The following LINGO2 variants were observed in gnomAD, a reference collection of about 807,000 sequenced individuals.
The protein encoded by LINGO2 is leucine-rich repeat and immunoglobulin-like domain-containing nogo receptor-interacting protein 2.
A neutral mutation model predicts 30.6 loss-of-function variants in LINGO2; 14 were observed. The observed-to-expected ratio is 0.46, with a 90% confidence interval of 0.30 to 0.72. LINGO2 has a LOEUF of 0.72. Among genes scored for constraint, LINGO2 ranks in the 30% least tolerant of loss-of-function variants. LINGO2 has a pLI of 0.07. For synonymous variants in LINGO2, 317 were observed against 288.5 expected (o/e 1.10, Z -1.00); for missense variants, 729 against 751.7 (o/e 0.97, Z 0.35).
chr9:29,053,809 A>C, the LINGO2 span, among the ~76,000 whole-genome samples: 1 of 152,080 alleles, frequency 6.6e-6, no homozygotes, highest in Non-Finnish European at 1.5e-5. Context: ...TTGTATTTTC[A>C]AGAAAATATA....
At chr9:28,123,590 A>C (rs1827158095) in intron 4 of LINGO2, among the ~76,000 whole-genome samples, 1 of 152,206 alleles carries the variant, frequency 6.6e-6, no homozygotes, top group Non-Finnish European at 1.5e-5. Flanking sequence ...ATGCTTCTGT[A>C]ATTGGCCTTC....
the LINGO2 span, among the ~76,000 whole-genome samples, chr9:28,978,319 AAATAGTGCTTTTGGGCTAGATTAACAGCC>A: frequency 6.6e-6 from 1 of 152,114 alleles, no homozygotes; most frequent in Admixed American, 6.6e-5. Flanking sequence ...CTGTAACTAA[AAATAGTGCTTTTGGGCTAGATTAACAGCC>A]AATAGTATAT....
the LINGO2 span, among the ~76,000 whole-genome samples, chr9:28,811,205 G>A: frequency 1.3e-5 from 2 of 151,606 alleles, no homozygotes; most frequent in African/African-American, 2.4e-5. Flanking sequence ...CTCCCATCTC[G>A]CATATTCAAT....
chr9:28,445,113 T>A (rs1824370114), intron 2 of LINGO2, among the ~76,000 whole-genome samples: 1 of 152,218 alleles, frequency 6.6e-6, no homozygotes, highest in Admixed American at 6.5e-5. Flanking sequence ...GAGCCTGTGC[T>A]CTTCACTACT....
chr9:28,332,883 G>A (rs1825471470), intron 3 of LINGO2, among the ~76,000 whole-genome samples: 1 of 152,152 alleles, frequency 6.6e-6, no homozygotes, highest in Non-Finnish European at 1.5e-5. Context: ...TGACTCAATG[G>A]TCTCTGCCTT....
chr9:29,129,639 G>A, the LINGO2 span, among the ~76,000 whole-genome samples: 1 of 151,964 alleles, frequency 6.6e-6, no homozygotes, highest in Non-Finnish European at 1.5e-5. Context: ...ATGAGTGATT[G>A]GTGAGAAAGA....
chr9:29,135,497 G>T, the LINGO2 span, among the ~76,000 whole-genome samples: 1 of 150,742 alleles, frequency 6.6e-6, no homozygotes, highest in Non-Finnish European at 1.5e-5. Flanking sequence ...GATGGAGCTT[G>T]CAGTGAGCCG....
intron 3 of LINGO2, among the ~76,000 whole-genome samples, chr9:28,336,231 A>G (rs911208171): frequency 6.6e-6 from 1 of 152,096 alleles, no homozygotes; most frequent in Non-Finnish European, 1.5e-5. Context: ...CTTTAGAAAG[A>G]TGTTTAAGAC....
chr9:28,684,898 G>A, the LINGO2 span, among the ~76,000 whole-genome samples: 13 of 152,114 alleles, frequency 8.5e-5, no homozygotes, highest in South Asian at 6.2e-4. Flanking sequence ...TGCATGTTGC[G>A]TGGGTTTGAT....
intron 1 of LINGO2, among the ~76,000 whole-genome samples, chr9:28,611,521 T>G (rs1180682984): frequency 6.6e-6 from 1 of 152,170 alleles, no homozygotes; most frequent in African/African-American, 2.4e-5. Context: ...CTTTACCTTT[T>G]GAGAAATATC....
chr9:29,053,204 T>C, the LINGO2 span, among the ~76,000 whole-genome samples: 1 of 151,802 alleles, frequency 6.6e-6, no homozygotes, highest in East Asian at 1.9e-4. Flanking sequence ...GAAAAAAAAA[T>C]GATAATCTTA....
At chr9:28,482,225 T>C (rs1447424188) in intron 1 of LINGO2, among the ~76,000 whole-genome samples, 1 of 151,856 alleles carries the variant, frequency 6.6e-6, no homozygotes, top group East Asian at 1.9e-4. Context: ...GTTGAACTAG[T>C]TTACAGTCCC....
At chr9:28,304,318 T>C (rs901732438) in intron 3 of LINGO2, among the ~76,000 whole-genome samples, 6 of 150,992 alleles carry the variant, frequency 4.0e-5, no homozygotes, top group African/African-American at 1.5e-4. Context: ...TAGCTACATA[T>C]ATGTATAATT....
intron 5 of LINGO2, among the ~76,000 whole-genome samples, chr9:28,000,297 T>TA (rs527631262): frequency 6.3e-4 from 96 of 152,224 alleles, no homozygotes; most frequent in African/African-American, 2.3e-3. Flanking sequence ...TAAAGGATGC[T>TA]AGCTTTACTG....
At chr9:28,848,169 G>A in the LINGO2 span, among the ~76,000 whole-genome samples, 287 of 83,006 alleles carry the variant, frequency 3.5e-3, 2 homozygotes, top group Non-Finnish European at 5.1e-3. Context: ...TATATAGTGT[G>A]TATATATACA....
chr9:29,055,948 A>ATATAT, the LINGO2 span, among the ~76,000 whole-genome samples: 1 of 149,140 alleles, frequency 6.7e-6, no homozygotes, highest in East Asian at 2.0e-4. Context: ...GTGTATATAT[A>ATATAT]CATATATATG....
chr9:27,940,834 T>G, the LINGO2 span: 1 of 152,182 alleles, frequency 6.6e-6, no homozygotes, highest in African/African-American at 2.4e-5. Flanking sequence ...AAAGTATGTT[T>G]AGCTTCGAGT....
intron 3 of LINGO2, among the ~76,000 whole-genome samples, chr9:28,351,635 C>T (rs1184439139): frequency 6.9e-6 from 1 of 145,432 alleles, no homozygotes; most frequent in Non-Finnish European, 1.5e-5. Flanking sequence ...AGGGAATCCT[C>T]CCTAACTCAT....
intron 2 of LINGO2, among the ~76,000 whole-genome samples, chr9:28,399,013 T>C (rs1020752788): frequency 6.6e-6 from 1 of 152,166 alleles, no homozygotes; most frequent in African/African-American, 2.4e-5. Flanking sequence ...GGGGATAATA[T>C]TATTCAAAGG....
Sources: allele counts gnomAD v4.1 joint callset (sites outside exome capture counted in the v4.1 genomes callset), GRCh38; gene constraint gnomAD v4.1.1; transcripts MANE v1.5; gene names NCBI Gene and HGNC (gene_info 2026-07-23, HGNC 2026-07-21).